Variants in GPR37L1 observed in about 807,000 individuals in gnomAD.
GPR37L1 encodes G protein-coupled receptor 37 like 1, also known as G protein-coupled receptor 37-like 1.
GPR37L1 carries 18 observed loss-of-function variants against 18.0 expected under a neutral mutation model. The ratio of observed to expected loss-of-function variants is 1.00; its 90% CI spans 0.69 to 1.49. The LOEUF (loss-of-function observed/expected upper bound fraction) is 1.49, where lower values mean the gene tolerates loss of function less well. Ranked by LOEUF, GPR37L1 falls within the 40% of genes most tolerant of loss-of-function variation. GPR37L1 has a pLI of 0.00. For missense variants in GPR37L1, 558 were observed against 615.1 expected (o/e 0.91, Z 0.98); for synonymous variants, 256 against 273.9 (o/e 0.93, Z 0.65).
intron 1 of GPR37L1, among the ~76,000 whole-genome samples, chr1:202,124,899 C>A (rs1418741757): frequency 6.6e-6 from 1 of 152,180 alleles, no homozygotes; most frequent in Non-Finnish European, 1.5e-5. Flanking sequence ...GGCACAGTGG[C>A]TCATGCCTAT....
chr1:202,126,635 G>A (rs569029455), intron 1 of GPR37L1, among the ~76,000 whole-genome samples: 38 of 152,246 alleles, frequency 2.5e-4, no homozygotes, highest in South Asian at 1.2e-3. Flanking sequence ...CTGATGGTGC[G>A]GGAGGGTCCC....
rs367653940 is a variant in GPR37L1 at position 202,128,502 on chromosome 1, C to T, written c.1392C>T (p.Tyr464=). ...KLKTEVSSSI[Y]FHKPRESPPL... Reference sequence around the variant, plus strand: ...AGACCGAGGTGTCCTCTTCCATCTACTTCCACAAGCCCAGGGAGTCACCCC... The same window carrying T: ...AGACCGAGGTGTCCTCTTCCATCTATTTCCACAAGCCCAGGGAGTCACCCC... The change falls in exon 2 of 2, where the codon TAC becomes TAT. Residue 464 remains tyrosine, a synonymous_variant. Transcript: ENST00000367282. 1.1e-5 allele frequency: 17 copies of T among 1,604,462 alleles called. No individual in the cohort carries two copies. The highest frequency in any genetic ancestry group is 1.7e-4 in the Middle Eastern group (1 of 5,920).
In GPR37L1 at chr1:202,128,564, G is replaced by A. The variant is rs772082137; in HGVS notation, c.*8G>A. On this transcript the variant is annotated 3_prime_UTR_variant, in exon 2 of 2. Coordinates refer to ENST00000367282, the MANE Select transcript of GPR37L1 (RefSeq NM_004767.5). ...CTGGGCACACCTTGCTGAGGCCCCA[G>A]TAGGGGTGGGGAGGGAGGGAGAGGC... 8 of 1,303,802 alleles carry A rather than the reference G, an allele frequency of 6.1e-6. No individual in the cohort carries two copies. The East Asian group carries it at 1.5e-4, about 24-fold the overall frequency. The allele number at this position is 1,303,802 out of a possible 1,614,324, so 80.8% of individuals were successfully genotyped here. A position where few individuals can be genotyped will look rare whatever the true frequency, so the allele number is the denominator to read the frequency against.
rs746562310 is a variant in GPR37L1, at chr1:202,128,178, G to A, written c.1068G>A (p.Gln356=). 3 of 1,614,018 alleles carry A rather than the reference G, an allele frequency of 1.9e-6. No homozygotes were observed. The highest frequency in any genetic ancestry group is 4.5e-5 in the East Asian group (2 of 44,882). Residue 356 remains glutamine (Q), a synonymous_variant, in exon 2 of 2, where the codon CAG becomes CAA. Transcript: ENST00000367282. ...GCAAGCACGAGCAGTGTGAGAGCCA[G>A]CTCAACAGCACCGTGGTGGGCCTGA... ...RASKHEQCES[Q]LNSTVVGLTV...
In GPR37L1 at chr1:202,123,522, G is replaced by A. The variant is rs201945470; in HGVS notation, c.559G>A (p.Val187Ile). Residue 187 changes from valine (V) to isoleucine (I), a missense_variant, in exon 1 of 2, where the codon GTC becomes ATC. By Grantham distance (29) the Val-to-Ile change is conservative (BLOSUM62 3). Coordinates refer to ENST00000367282, the MANE Select transcript of GPR37L1 (RefSeq NM_004767.5). ...GGTCCTCTTTTTCTGCCTCCCTATT[G>A]TCATCTTCAACGAGATCACCAAGCA... ...FLVLFFCLPI[V>I]IFNEITKQRL... is the part of the protein sequence containing the mutation. The A allele has an allele frequency of 3.1e-6, 5 of 1,613,432 alleles. No individual in the cohort carries two copies. Among genetic ancestry groups the A allele is most frequent in the South Asian group, 1.1e-5 (1 of 91,020 alleles).
At chr1:202,123,865 C>T (rs1654579353) in intron 1 of GPR37L1, among the ~76,000 whole-genome samples, 1 of 152,114 alleles carries the variant, frequency 6.6e-6, no homozygotes, top group Non-Finnish European at 1.5e-5. Context: ...CGGGAGCAAC[C>T]TCAAGGCAGG....
chr1:202,124,693 T>A (rs1225656615), intron 1 of GPR37L1, among the ~76,000 whole-genome samples: 1 of 152,142 alleles, frequency 6.6e-6, no homozygotes, highest in East Asian at 1.9e-4. Flanking sequence ...GGAGAAGGGC[T>A]CAGGATCAGC....
chr1:202,123,152 G>A lies in GPR37L1; in HGVS notation c.189G>A (p.Glu63=), dbSNP rs1382033670. Reference sequence around the variant, plus strand: ...GCGTGCAGCAGTATGTGCCTGAGGAGTGGGCGGAGTACCCCCGGCCCATTC... The same window carrying A: ...GCGTGCAGCAGTATGTGCCTGAGGAATGGGCGGAGTACCCCCGGCCCATTC... ...AKGVQQYVPE[E]WAEYPRPIHP... Residue 63 remains glutamate, a synonymous_variant, in exon 1 of 2, where the codon GAG becomes GAA. Transcript: ENST00000367282. The A allele has an allele frequency of 1.2e-6, 2 of 1,613,476 alleles. No homozygotes were observed. Among genetic ancestry groups the A allele is most frequent in the South Asian group, 1.1e-5 (1 of 91,052 alleles).
In GPR37L1 at chr1:202,127,734, C is replaced by T. The variant is rs1171707121; in HGVS notation, c.631-7C>T. On this transcript the variant is annotated splice_region_variant and splice_polypyrimidine_tract_variant and intron_variant, in intron 1 of 1. Coordinates refer to ENST00000367282, the MANE Select transcript of GPR37L1 (RefSeq NM_004767.5). ...TGCTTCTCTCTTCCCTCACATCCTG[C>T]CCACAGGTCTCCTCTCTGGGAGTCA... 5.8e-6 allele frequency: 9 copies of T among 1,544,096 alleles called. No homozygotes were observed. The highest frequency in any genetic ancestry group is 6.1e-6 in the Non-Finnish European group (7 of 1,142,690).
Position 202,128,528 on chromosome 1 carries a change from C to A in GPR37L1, c.1418C>A (p.Pro473Gln). ...TTCCACAAGCCCAGGGAGTCACCCCCACTCCTGCCCCTGGGCACACCTTGC... is the reference window on the plus strand; with the variant it reads ...TTCCACAAGCCCAGGGAGTCACCCCAACTCCTGCCCCTGGGCACACCTTGC... ...IYFHKPRESP[P>Q]LLPLGTPC The change falls in exon 2 of 2, where the codon CCA becomes CAA. Residue 473 changes from proline (P) to glutamine (Q), a missense_variant. By Grantham distance (76) the Pro-to-Gln change is moderately conservative. Coordinates refer to ENST00000367282, the MANE Select transcript of GPR37L1 (RefSeq NM_004767.5). The A allele has an allele frequency of 1.3e-6, 2 of 1,582,760 alleles. No individual in the cohort carries two copies. The highest frequency in any genetic ancestry group is 2.3e-5 in the South Asian group (2 of 85,570).
rs1176709945 is a variant in GPR37L1 at position 202,125,655 on chromosome 1, T to TGGGACAGGTGGA, written c.630+2067_631-2070dup. ...ACAGTCTTCCTTCTAGGCTGGGTGG[T>TGGGACAGGTGGA]GGGACAGGTGGAGGGAGAAAACACT... On this transcript the variant is annotated intron_variant, in intron 1 of 1. Coordinates refer to ENST00000367282, the MANE Select transcript of GPR37L1 (RefSeq NM_004767.5). 2.8e-4 allele frequency among the ~76,000 whole-genome samples: 42 copies of TGGGACAGGTGGA among 152,166 alleles called. 1 individual carries two copies. The highest frequency in any genetic ancestry group is 3.4e-3 in the Middle Eastern group (1 of 294).
chr1:202,123,302 GCTACAGATCCAGAACC>G lies in GPR37L1; in HGVS notation c.341_356del (p.Leu114ProfsTer5). The G allele has an allele frequency of 6.2e-7, 1 of 1,614,208 alleles. No homozygotes were observed. Among genetic ancestry groups the G allele is most frequent in the Non-Finnish European group, 8.5e-7 (1 of 1,180,050 alleles). On this transcript the variant is annotated frameshift_variant, in exon 1 of 2. Transcript: ENST00000367282. LOFTEE classifies it high-confidence loss of function. The stretch of plus-strand genomic sequence containing the variant: ...ATCTGACAGGAGCACCAGGGCAGAG[GCTACAGATCCAGAACC>G]CCCTGTATCCGGTGACCGAGAGCTC...
intron 1 of GPR37L1, among the ~76,000 whole-genome samples, chr1:202,124,264 G>T (rs759819154): frequency 2.0e-5 from 3 of 152,172 alleles, no homozygotes; most frequent in African/African-American, 7.2e-5. Flanking sequence ...CTAATGGGGG[G>T]CTCTAGTCTT....
Position 202,128,238 on chromosome 1 carries a change from C to G in GPR37L1, c.1128C>G (p.Asn376Lys). The G allele has an allele frequency of 6.2e-7, 1 of 1,614,002 alleles. No individual in the cohort carries two copies. The highest frequency in any genetic ancestry group is 8.5e-7 in the Non-Finnish European group (1 of 1,180,018). Reference sequence around the variant, plus strand: ...ACGCCTTCTGCACCCTCCCAGAGAACGTCTGCAACATCGTGGTGGCCTACC... The same window carrying G: ...ACGCCTTCTGCACCCTCCCAGAGAAGGTCTGCAACATCGTGGTGGCCTACC... ...VVYAFCTLPE[N>K]VCNIVVAYLS... The change falls in exon 2 of 2, where the codon AAC becomes AAG. Residue 376 changes from asparagine (N) to lysine (K), a missense_variant. Physicochemically the swap from Asn to Lys is moderately conservative, Grantham distance 94. Coordinates refer to ENST00000367282, the MANE Select transcript of GPR37L1 (RefSeq NM_004767.5).
intron 1 of GPR37L1, among the ~76,000 whole-genome samples, chr1:202,126,549 T>A (rs1023707236): frequency 2.0e-5 from 3 of 152,050 alleles, no homozygotes; most frequent in Admixed American, 6.6e-5. Flanking sequence ...GGGATTGTGT[T>A]CCCCCAGCCA....
intron 1 of GPR37L1, among the ~76,000 whole-genome samples, chr1:202,125,836 C>T (rs1654645516): frequency 6.6e-6 from 1 of 152,236 alleles, no homozygotes; most frequent in South Asian, 2.1e-4. Flanking sequence ...ATCCTCCCAC[C>T]TCAGCCTCCC....
chr1:202,131,656 T>G lies in GPR37L1; in HGVS notation c.*3100T>G, dbSNP rs1654856884. 1 of 152,190 alleles carries G rather than the reference T, an allele frequency of 6.6e-6. No individual in the cohort carries two copies. Among genetic ancestry groups the G allele is most frequent in the Non-Finnish European group, 1.5e-5 (1 of 68,062 alleles). The allele number at this position is 152,190 out of a possible 1,614,324, so 9.4% of individuals were successfully genotyped here. A position where few individuals can be genotyped will look rare whatever the true frequency, so the allele number is the denominator to read the frequency against. On this transcript the variant is annotated 3_prime_UTR_variant, in exon 2 of 2. Transcript: ENST00000367282. ...TCTCACTATGTTGCCCAGGCTGGCT[T>G]TGAACTCCTGGGCTCAAGCAGTCCT...
At position 202,123,511 on chromosome 1, in the gene GPR37L1, G is replaced by T; in HGVS notation, c.548G>T (p.Cys183Phe). 1 of 1,613,762 alleles carries T rather than the reference G, an allele frequency of 6.2e-7. No individual in the cohort carries two copies. Among genetic ancestry groups the T allele is most frequent in the Non-Finnish European group, 8.5e-7 (1 of 1,179,936 alleles). Residue 183 changes from cysteine to phenylalanine, a missense_variant, in exon 1 of 2, where the codon TGC becomes TTC. Transcript: ENST00000367282. ...TGGGATTTTCTGGTCCTCTTTTTCT[G>T]CCTCCCTATTGTCATCTTCAACGAG... ...ALWDFLVLFFCLPIVIFNEIT... is the reference protein window; with the variant it reads ...ALWDFLVLFFFLPIVIFNEIT...
At position 202,128,112 on chromosome 1, in the gene GPR37L1, G is replaced by A; in HGVS notation, c.1002G>A (p.Arg334=). ...FTVTCQLVTW[R]VRGPPGRKSE... ...TCACCTGCCAGCTGGTGACATGGCGGGTGCGAGGCCCTCCAGGGAGGAAGT... is the reference window on the plus strand; with the variant it reads ...TCACCTGCCAGCTGGTGACATGGCGAGTGCGAGGCCCTCCAGGGAGGAAGT... The change falls in exon 2 of 2, where the codon CGG becomes CGA. Residue 334 remains arginine (R), a synonymous_variant. Transcript: ENST00000367282. 1.9e-6 allele frequency: 3 copies of A among 1,614,118 alleles called. No individual in the cohort carries two copies. The highest frequency in any genetic ancestry group is 1.1e-5 in the South Asian group (1 of 91,086).
Sources: gnomAD v4.1 joint callset for allele counts (sites outside exome capture counted in the v4.1 genomes callset) on GRCh38, gnomAD v4.1.1 for gene constraint, MANE v1.5 for transcripts, NCBI Gene and HGNC (gene_info 2026-07-23, HGNC 2026-07-21) for gene names.